Variants in RAPGEF6 observed in about 807,000 individuals in gnomAD.
The protein encoded by RAPGEF6 is Rap guanine nucleotide exchange factor 6, also known as PDZ domain containing guanine nucleotide exchange factor (GEF) 2.
A neutral mutation model predicts 171.4 loss-of-function variants in RAPGEF6; 56 were observed. That is an observed-to-expected ratio of 0.33 (90% CI 0.26 to 0.41). The LOEUF (loss-of-function observed/expected upper bound fraction) is 0.41. RAPGEF6 is among the 10% of genes least tolerant of loss of function. The probability of loss-of-function intolerance (pLI) is 1.00; values close to 1 mark genes in which losing one functional copy is unlikely to be tolerated. For missense variants in RAPGEF6, 1,674 were observed against 1,921.4 expected (o/e 0.87, Z 2.41); for synonymous variants, 692 against 650.1 (o/e 1.06, Z -0.98).
Position 131,500,860 on chromosome 5 carries a change from T to A in RAPGEF6, c.1255-2253A>T, listed in dbSNP as rs192937492. Among the ~76,000 whole-genome samples, 32 of 151,748 alleles carry A rather than the reference T, an allele frequency of 2.1e-4. 1 individual carries two copies. The South Asian group carries it at 2.3e-3, about 11-fold the overall frequency. ...ATCTCACACAGGGCCTGGCATAGAG[T>A]ACCATAAAGTCAGTGTTGTTGAATA... On this transcript the variant is annotated intron_variant, in intron 11 of 27. Transcript: ENST00000509018.
intron 4 of RAPGEF6, among the ~76,000 whole-genome samples, chr5:131,585,166 A>G (rs576638062): frequency 2.0e-5 from 3 of 152,302 alleles, no homozygotes; most frequent in African/African-American, 7.2e-5. Context: ...AAGGACATCT[A>G]GGTATCCCTA....
chr5:131,440,812 T>C (rs1485004234), intron 23 of RAPGEF6, among the ~76,000 whole-genome samples: 2 of 149,786 alleles, frequency 1.3e-5, no homozygotes, highest in Non-Finnish European at 3.0e-5. Flanking sequence ...CAAGTGGTGA[T>C]ATTCAAGTAA....
intron 26 of RAPGEF6, chr5:131,430,566 CGAT>C (rs1751636738): frequency 2.0e-6 from 1 of 491,308 alleles, no homozygotes; most frequent in Non-Finnish European, 3.8e-6. Flanking sequence ...CACACTAATG[CGAT>C]GATATTCCTC....
At chr5:131,543,095 GC>G (rs1168575886) in intron 6 of RAPGEF6, among the ~76,000 whole-genome samples, 27 of 152,124 alleles carry the variant, frequency 1.8e-4, no homozygotes, top group African/African-American at 6.3e-4. Flanking sequence ...GTACTTATAT[GC>G]TAGATTACTG....
chr5:131,488,160 CA>C (rs1756048309), intron 15 of RAPGEF6, among the ~76,000 whole-genome samples: 1 of 152,088 alleles, frequency 6.6e-6, no homozygotes, highest in Admixed American at 6.6e-5. Flanking sequence ...TTCTGTTGGC[CA>C]ACTGTTTTCC....
chr5:131,545,797 C>G (rs1006487956), intron 6 of RAPGEF6, among the ~76,000 whole-genome samples: 1 of 152,162 alleles, frequency 6.6e-6, no homozygotes, highest in Non-Finnish European at 1.5e-5. Context: ...TTCTCTAACC[C>G]GGTCTCATAG....
intron 17 of RAPGEF6, among the ~76,000 whole-genome samples, chr5:131,468,397 T>A (rs187872148): frequency 1.5e-3 from 224 of 151,642 alleles, no homozygotes; most frequent in African/African-American, 5.3e-3. Flanking sequence ...AGAAATCTTA[T>A]GTAATAGGTA....
intron 17 of RAPGEF6, among the ~76,000 whole-genome samples, chr5:131,467,649 A>G (rs1754452394): frequency 6.6e-6 from 1 of 152,256 alleles, no homozygotes; most frequent in Non-Finnish European, 1.5e-5. Context: ...AAAAGGGAAA[A>G]AATGATCCAA....
chr5:131,435,786 A>G lies in RAPGEF6; in HGVS notation c.3746-2128T>C, dbSNP rs138953818. 823 of 1,293,278 alleles carry G rather than the reference A, an allele frequency of 6.4e-4. 4 individuals are homozygous for G. The African/African-American group carries it at 0.011, about 17-fold the overall frequency. The allele number at this position is 1,293,278 out of a possible 1,614,324, so 80.1% of individuals were successfully genotyped here. ...CAAGAGTATAAAATTTACTAACTCA[A>G]TACATCAGTAAAATAACTTATGTAC... is the stretch of plus-strand genomic sequence containing the variant. On this transcript the variant is annotated intron_variant, in intron 24 of 27. Transcript: ENST00000509018.
chr5:131,517,224 T>A (rs1758149846), intron 7 of RAPGEF6, among the ~76,000 whole-genome samples: 1 of 152,252 alleles, frequency 6.6e-6, no homozygotes, highest in East Asian at 1.9e-4. Context: ...CCACGCAATA[T>A]ACTATGTAAG....
intron 4 of RAPGEF6, among the ~76,000 whole-genome samples, chr5:131,563,400 A>T (rs1291141230): frequency 4.0e-4 from 61 of 152,308 alleles, no homozygotes; most frequent in Non-Finnish European, 1.5e-5. Flanking sequence ...ATATTTAAAA[A>T]TGTCAATTTC....
At chr5:131,538,465 A>G (rs1054360961) in intron 6 of RAPGEF6, among the ~76,000 whole-genome samples, 4 of 152,210 alleles carry the variant, frequency 2.6e-5, no homozygotes, top group African/African-American at 9.7e-5. Flanking sequence ...AAACACAGAA[A>G]ACGTACAGTA....
intron 21 of RAPGEF6, among the ~76,000 whole-genome samples, chr5:131,452,772 T>TATATA (rs1753191745): frequency 1.3e-5 from 2 of 152,138 alleles, no homozygotes; most frequent in Non-Finnish European, 2.9e-5. Context: ...GGCCTGCTGA[T>TATATA]GTTTTAAAGA....
At chr5:131,557,772 C>A (rs1369921541) in intron 5 of RAPGEF6, among the ~76,000 whole-genome samples, 15 of 152,082 alleles carry the variant, frequency 9.9e-5, no homozygotes, top group Admixed American at 6.5e-5. Context: ...GAAATGATTA[C>A]CTGATTTTTT....
intron 1 of RAPGEF6, among the ~76,000 whole-genome samples, chr5:131,611,929 G>C (rs1764956674): frequency 6.6e-6 from 1 of 152,120 alleles, no homozygotes; most frequent in African/African-American, 2.4e-5. Flanking sequence ...CGGAGTAAGT[G>C]TGGCCATATA....
intron 1 of RAPGEF6, among the ~76,000 whole-genome samples, chr5:131,626,650 A>T (rs1162823689): frequency 1.3e-5 from 2 of 152,018 alleles, no homozygotes; most frequent in African/African-American, 2.4e-5. Context: ...CATTTATTAC[A>T]TTTATGTTTT....
At position 131,498,361 on chromosome 5, in the gene RAPGEF6, A is replaced by G. The variant is rs1327756507; in HGVS notation, c.1419+82T>C. 8.7e-6 allele frequency: 11 copies of G among 1,261,142 alleles called. No individual in the cohort carries two copies. In the Admixed American group the frequency reaches 2.6e-4, roughly 30 times the overall value. 78.1% of individuals were successfully genotyped at this position (1,261,142 alleles called of 1,614,324 possible). On this transcript the variant is annotated intron_variant, in intron 12 of 27. Coordinates refer to ENST00000509018, the MANE Select transcript of RAPGEF6 (RefSeq NM_016340.6). ...GTGTACTGAATCTTATTATCATAAT[A>G]AACAGGTAATCTATCAACTATAAAA...
chr5:131,587,983 G>A (rs971678899), intron 4 of RAPGEF6, among the ~76,000 whole-genome samples: 4 of 151,788 alleles, frequency 2.6e-5, no homozygotes, highest in African/African-American at 9.7e-5. Context: ...TCATGAGGGA[G>A]CAATGTAGCT....
chr5:131,516,292 C>A (rs900421507), intron 7 of RAPGEF6, among the ~76,000 whole-genome samples: 10 of 151,904 alleles, frequency 6.6e-5, no homozygotes, highest in Non-Finnish European at 1.3e-4. Context: ...CTATGTTAGC[C>A]AGGCTGGTCT....
Sources: allele counts gnomAD v4.1 joint callset (sites outside exome capture counted in the v4.1 genomes callset), GRCh38; gene constraint gnomAD v4.1.1; transcripts MANE v1.5; gene names NCBI Gene and HGNC (gene_info 2026-07-23, HGNC 2026-07-21).